SPATA13: variants seen among roughly 807,000 people sequenced by gnomAD.
The protein encoded by SPATA13 is spermatogenesis-associated protein 13.
SPATA13 carries 50 observed loss-of-function variants against 104.0 expected under a neutral mutation model. That is an observed-to-expected ratio of 0.48 (90% CI 0.38 to 0.61). The LOEUF (loss-of-function observed/expected upper bound fraction) is 0.61, where lower values mean the gene tolerates loss of function less well. Ranked by LOEUF, SPATA13 falls within the 20% of genes least tolerant of loss-of-function variation. The pLI is 0.00. For synonymous variants in SPATA13, 606 were observed against 667.5 expected, an observed-to-expected ratio of 0.91 and a Z score of 1.42; for missense variants, 1,524 against 1,690.6, an observed-to-expected ratio of 0.90 and a Z score of 1.73.
chr13:24,284,299 G>T lies in SPATA13; in HGVS notation c.2301+28G>T, dbSNP rs373256869. On this transcript the variant is annotated intron_variant, in intron 5 of 12. Transcript: ENST00000382108. ...ACTGGAATTCCACACGACAGTAGTG[G>T]ATACGGGATACCTGATTTTCAGGGT... The T allele has an allele frequency of 1.8e-5, 28 of 1,595,408 alleles. No homozygotes were observed. In the African/African-American group the frequency reaches 3.6e-4, roughly 21 times the overall value.
At chr13:24,009,852 A>C (rs1827983567) in intron 2 of SPATA13, among the ~76,000 whole-genome samples, 2 of 152,010 alleles carry the variant, frequency 1.3e-5, no homozygotes, top group African/African-American at 4.8e-5. Flanking sequence ...GGCATGTCTT[A>C]CCTCCCTTCC....
At chr13:24,057,224 C>G (rs1481902910) in intron 3 of SPATA13, among the ~76,000 whole-genome samples, 2 of 150,544 alleles carry the variant, frequency 1.3e-5, no homozygotes, top group East Asian at 2.0e-4. Flanking sequence ...AAAGCTATCC[C>G]TCCCCCCTCC....
chr13:24,149,903 G>A (rs1408164651), intron 3 of SPATA13, among the ~76,000 whole-genome samples: 2 of 152,162 alleles, frequency 1.3e-5, no homozygotes, highest in African/African-American at 2.4e-5. Flanking sequence ...AGGTGGTTGG[G>A]GAGGAACACA....
chr13:24,271,041 ACTCTCTCTCT>A, intron 4 of SPATA13: 2 of 481,350 alleles, frequency 4.2e-6, no homozygotes, highest in South Asian at 2.4e-5. Context: ...TCTCTCTCTC[ACTCTCTCTCT>A]CTCTCTCACT....
Position 24,249,486 on chromosome 13 carries a change from G to A in SPATA13, c.1663G>A (p.Asp555Asn), listed in dbSNP as rs1191878000. ...TGTTCGCATTTGAAAGGTCGTCCCT[G>A]ATGGCCCCTGGAGGCGAAGCTCATC... Reference protein sequence around the residue: ...EEKEKEEVVPDGPWRRSSSQD... With the variant: ...EEKEKEEVVPNGPWRRSSSQD... Residue 555 changes from aspartate (D) to asparagine (N), a missense_variant, in exon 3 of 13, where the codon GAT becomes AAT. By Grantham distance (23) the Asp-to-Asn change is conservative. Around this residue, in one of 2 missense-constraint regions of SPATA13, gnomAD observed 1,089 missense variants for 1,135.9 expected, o/e 0.96. Coordinates refer to ENST00000382108, the MANE Select transcript of SPATA13 (RefSeq NM_001166271.3). 5.1e-6 allele frequency: 8 copies of A among 1,564,316 alleles called. No homozygotes were observed. Among genetic ancestry groups the A allele is most frequent in the Non-Finnish European group, 6.1e-6 (7 of 1,153,588 alleles).
chr13:24,209,096 A>T (rs143091119), intron 1 of SPATA13, among the ~76,000 whole-genome samples: 1 of 152,138 alleles, frequency 6.6e-6, no homozygotes, highest in South Asian at 2.1e-4. Context: ...TGCAGGGGTC[A>T]TTCTAACGGA....
intron 3 of SPATA13, among the ~76,000 whole-genome samples, chr13:24,109,892 T>C (rs1393446297): frequency 6.6e-6 from 1 of 151,690 alleles, no homozygotes; most frequent in African/African-American, 2.4e-5. Flanking sequence ...GAAGTGAAAT[T>C]GTTGAATCAA....
chr13:24,141,090 G>T (rs1273743877), intron 3 of SPATA13, among the ~76,000 whole-genome samples: 1 of 151,518 alleles, frequency 6.6e-6, no homozygotes, highest in Non-Finnish European at 1.5e-5. Flanking sequence ...CAGGAGAATT[G>T]CTTGAACCCG....
At chr13:24,228,017 G>A (rs1017193415) in intron 2 of SPATA13, among the ~76,000 whole-genome samples, 1 of 150,894 alleles carries the variant, frequency 6.6e-6, no homozygotes, top group Admixed American at 6.6e-5. Context: ...CGATTCTTCC[G>A]CCTCAGCCTC....
intron 3 of SPATA13, among the ~76,000 whole-genome samples, chr13:24,045,272 G>A (rs1233800396): frequency 1.3e-5 from 2 of 152,144 alleles, no homozygotes; most frequent in Non-Finnish European, 2.9e-5. Context: ...AAAGCTTAGA[G>A]CTAAATTTAA....
intron 4 of SPATA13, among the ~76,000 whole-genome samples, chr13:24,264,933 T>C (rs1366614967): frequency 1.3e-5 from 2 of 151,988 alleles, no homozygotes; most frequent in Non-Finnish European, 2.9e-5. Context: ...TTGGAGAGGG[T>C]GGGATATTGA....
intron 2 of SPATA13, among the ~76,000 whole-genome samples, chr13:23,995,824 T>C (rs544164012): frequency 6.6e-6 from 1 of 151,742 alleles, no homozygotes; most frequent in Non-Finnish European, 1.5e-5. Flanking sequence ...AAGCCATGTT[T>C]CCTGAGAACT....
chr13:24,036,013 C>CAAAAAAAAAAAAAAAAAA (rs56837096), intron 3 of SPATA13, among the ~76,000 whole-genome samples: 1 of 112,510 alleles, frequency 8.9e-6, no homozygotes. Context: ...GACCCTGTCT[C>CAAAAAAAAAAAAAAAAAA]AAAAAAAAAA....
chr13:24,206,287 CAT>C (rs34511656), intron 1 of SPATA13, among the ~76,000 whole-genome samples: 133,553 of 152,050 alleles, frequency 0.88, 60,782 homozygotes, highest in South Asian at 1. Flanking sequence ...AAAGAAGACA[CAT>C]GTGGCCACAA....
At chr13:24,213,101 G>T (rs1448115865) in intron 1 of SPATA13, among the ~76,000 whole-genome samples, 2 of 152,220 alleles carry the variant, frequency 1.3e-5, no homozygotes, top group Non-Finnish European at 2.9e-5. Flanking sequence ...GCACGGAGAA[G>T]TTGGAGGAGG....
At chr13:24,154,809 T>C (rs1381718684) in intron 3 of SPATA13, among the ~76,000 whole-genome samples, 3 of 152,202 alleles carry the variant, frequency 2.0e-5, no homozygotes, top group Non-Finnish European at 2.9e-5. Flanking sequence ...AGCTCATTCT[T>C]AGTGTCGACA....
rs532697813 is a variant in SPATA13 at position 24,139,527 on chromosome 13, T to A, written c.-111-83292T>A. On this transcript the variant is annotated intron_variant, in intron 3 of 14. Coordinates refer to the SPATA13 transcript ENST00000424834. Reference sequence around the variant, plus strand: ...GAATCTTTGTAGGTTTATTACCATCTGTTATATTAAGGTGCTGCAGAAAGC... The same window carrying A: ...GAATCTTTGTAGGTTTATTACCATCAGTTATATTAAGGTGCTGCAGAAAGC... Among the ~76,000 whole-genome samples the A allele has an allele frequency of 2.2e-3, 338 of 152,356 alleles. 1 individual carries two copies. The highest frequency in any genetic ancestry group is 7.5e-3 in the African/African-American group (311 of 41,574).
At chr13:24,037,305 A>G (rs1490448975) in intron 3 of SPATA13, among the ~76,000 whole-genome samples, 7 of 151,918 alleles carry the variant, frequency 4.6e-5, no homozygotes, top group African/African-American at 1.7e-4. Context: ...ATACATATGT[A>G]ACAAACCTGC....
chr13:24,053,932 GGGGT>G (rs1438202076), intron 3 of SPATA13, among the ~76,000 whole-genome samples: 2 of 152,148 alleles, frequency 1.3e-5, no homozygotes, highest in Non-Finnish European at 2.9e-5. Flanking sequence ...GTGTTATTAT[GGGGT>G]GTCTATGTGC....
Sources: allele counts gnomAD v4.1 joint callset (sites outside exome capture counted in the v4.1 genomes callset), GRCh38; gene constraint gnomAD v4.1.1; regional missense constraint gnomAD v4.1.1; transcripts MANE v1.5; gene names NCBI Gene and HGNC (gene_info 2026-07-23, HGNC 2026-07-21).